The following MICAL2 variants were observed in gnomAD, a reference collection of about 807,000 sequenced individuals.
MICAL2 encodes the protein [F-actin]-monooxygenase MICAL2.
A neutral mutation model predicts 127.3 loss-of-function variants in MICAL2; 77 were observed. The observed-to-expected ratio is 0.60, with a 90% CI of 0.50 to 0.73. MICAL2 has a LOEUF of 0.73. Ranked by LOEUF, MICAL2 falls within the 30% of genes least tolerant of loss-of-function variation. MICAL2 has a pLI of 0.00. For synonymous variants in MICAL2, 570 were observed against 551.1 expected, an observed-to-expected ratio of 1.03 and a Z score of -0.48; for missense variants, 1,351 against 1,434.4, an observed-to-expected ratio of 0.94 and a Z score of 0.94.
At chr11:12,326,497 A>C (rs556647803) in intron 31 of MICAL2, among the ~76,000 whole-genome samples, 84 of 152,202 alleles carry the variant, frequency 5.5e-4, no homozygotes, top group Non-Finnish European at 9.7e-4. Flanking sequence ...ACCTAAGGAG[A>C]GTATGATGTC....
chr11:12,197,404 C>T (rs919245516), intron 3 of MICAL2: 3 of 152,222 alleles, frequency 2.0e-5, no homozygotes, highest in Non-Finnish European at 2.9e-5. Flanking sequence ...ACTTCATGTA[C>T]ATTATAAGCA....
chr11:12,209,656 T>TG, intron 6 of MICAL2, 58 bp downstream of exon 6: 1 of 1,466,026 alleles, frequency 6.8e-7, no homozygotes. Flanking sequence ...GAGGGTACAT[T>TG]GGGGAAGAGT....
intron 3 of MICAL2, among the ~76,000 whole-genome samples, chr11:12,194,033 A>C (rs534872150): frequency 6.6e-6 from 1 of 152,354 alleles, no homozygotes; most frequent in Admixed American, 6.5e-5. Flanking sequence ...CAGGTCTGGC[A>C]ATAATATGGA....
At chr11:12,345,253 C>G (rs1430952852) in intron 32 of MICAL2, among the ~76,000 whole-genome samples, 1 of 152,152 alleles carries the variant, frequency 6.6e-6, no homozygotes, top group African/African-American at 2.4e-5. Flanking sequence ...GATGGAGTTG[C>G]AAGGTTTGTA....
Position 12,244,100 on chromosome 11 carries a change from T to A in MICAL2, c.2772T>A (p.Ser924=). 1 of 1,614,256 alleles carries A rather than the reference T, an allele frequency of 6.2e-7. No homozygotes were observed. The highest frequency in any genetic ancestry group is 2.2e-5 in the East Asian group (1 of 44,890). ...SSSPSTVDSA[S]PARKEKKSPS... is the part of the protein sequence containing the mutation. ...CTCCATCAACTGTTGACTCTGCTTC[T>A]CCTGCCAGAAAGGTAGTTGTCCTGA... The change falls in exon 21 of 28, where the codon TCT becomes TCA. Residue 924 remains serine, a synonymous_variant. Transcript: ENST00000683283.
intron 32 of MICAL2, among the ~76,000 whole-genome samples, chr11:12,336,463 G>T (rs977760915): frequency 1.3e-4 from 20 of 152,110 alleles, no homozygotes; most frequent in African/African-American, 4.6e-4. Flanking sequence ...CTGCCTGATT[G>T]CCCTGACCAG....
intron 14 of MICAL2, among the ~76,000 whole-genome samples, 199 bp downstream of exon 14, chr11:12,226,569 A>G (rs1857484030): frequency 6.7e-6 from 1 of 150,296 alleles, no homozygotes; most frequent in Admixed American, 6.6e-5. Flanking sequence ...TTACATCTTG[A>G]GTTTGGGGTG....
chr11:12,227,181 G>A, intron 15 of MICAL2, 50 bp downstream of exon 15: 2 of 1,310,894 alleles, frequency 1.5e-6, no homozygotes, highest in South Asian at 2.4e-5. Context: ...CATGGACGGG[G>A]TATGAGGAAC....
chr11:12,142,627 C>T (rs1225667981), intron 2 of MICAL2, among the ~76,000 whole-genome samples: 1 of 152,190 alleles, frequency 6.6e-6, no homozygotes, highest in Non-Finnish European at 1.5e-5. Context: ...TCCATTTGGC[C>T]CAACACTTCC....
At chr11:12,286,319 GCTT>G (rs375905275) in intron 2 of MICAL2, among the ~76,000 whole-genome samples, 226 of 152,286 alleles carry the variant, frequency 1.5e-3, no homozygotes, top group Non-Finnish European at 2.6e-3. Context: ...CAGCTTCCTG[GCTT>G]CAATCAGAGC....
intron 2 of MICAL2, among the ~76,000 whole-genome samples, chr11:12,285,213 T>C (rs1863812136): frequency 6.6e-6 from 1 of 152,150 alleles, no homozygotes; most frequent in Non-Finnish European, 1.5e-5. Context: ...TGAGCCAGTT[T>C]ATCAATCTAG....
chr11:12,213,889 A>G (rs758034544), intron 7 of MICAL2, among the ~76,000 whole-genome samples: 2 of 152,178 alleles, frequency 1.3e-5, no homozygotes, highest in African/African-American at 2.4e-5. Flanking sequence ...GCCCTTCCCC[A>G]AGAAGGACAT....
chr11:12,241,802 G>A (rs1473231023), intron 18 of MICAL2, among the ~76,000 whole-genome samples: 1 of 152,194 alleles, frequency 6.6e-6, no homozygotes, highest in Non-Finnish European at 1.5e-5. Context: ...TGACTACAAT[G>A]CAGCAATTTT....
At chr11:12,238,455 G>A (rs1331300071) in intron 16 of MICAL2, among the ~76,000 whole-genome samples, 1 of 152,174 alleles carries the variant, frequency 6.6e-6, no homozygotes, top group African/African-American at 2.4e-5. Context: ...CCGCTGTACT[G>A]GAATGAGAAG....
chr11:12,154,865 C>G (rs1853989064), intron 2 of MICAL2, among the ~76,000 whole-genome samples: 1 of 152,152 alleles, frequency 6.6e-6, no homozygotes, highest in South Asian at 2.1e-4. Flanking sequence ...GAAGACCATA[C>G]TATTTCTGTA....
At chr11:12,257,070 A>G in intron 24 of MICAL2, 99 bp downstream of exon 24, 3 of 1,264,174 alleles carry the variant, frequency 2.4e-6, no homozygotes, top group Non-Finnish European at 3.2e-6. Context: ...GGACACCCAA[A>G]CATACCCAAA....
At chr11:12,187,895 G>A (rs1858524396) in intron 3 of MICAL2, among the ~76,000 whole-genome samples, 1 of 152,000 alleles carries the variant, frequency 6.6e-6, no homozygotes, top group South Asian at 2.1e-4. Context: ...TTGTTGATAG[G>A]GAGGGGCAGT....
intron 1 of MICAL2, chr11:12,116,952 G>C (rs1589962482): frequency 6.6e-6 from 1 of 152,176 alleles, no homozygotes; most frequent in Admixed American, 6.5e-5. Flanking sequence ...TTTTAGGGTT[G>C]AAATTTTTAG....
chr11:12,280,514 T>C (rs535420472), intron 1 of MICAL2, among the ~76,000 whole-genome samples: 22 of 152,300 alleles, frequency 1.4e-4, no homozygotes, highest in Non-Finnish European at 3.2e-4. Context: ...TACTGGGGGA[T>C]TGGAGGGAAG....
Sources: allele counts gnomAD v4.1 joint callset (sites outside exome capture counted in the v4.1 genomes callset), GRCh38; gene constraint gnomAD v4.1.1; transcripts MANE v1.5; gene names NCBI Gene and HGNC (gene_info 2026-07-23, HGNC 2026-07-21).